The following CAMK4 variants were observed in gnomAD, a reference collection of about 807,000 sequenced individuals.
CAMK4 encodes calcium/calmodulin-dependent protein kinase type IV.
Under a neutral mutation model 44.9 loss-of-function variants are expected in CAMK4, and 22 were observed. That is an observed-to-expected ratio of 0.49 (90% CI 0.35 to 0.70). The LOEUF is 0.70. Among genes scored for constraint, CAMK4 ranks in the 30% least tolerant of loss-of-function variants. The pLI is 0.01. For synonymous variants in CAMK4, 218 were observed against 215.4 expected (o/e 1.01, Z -0.11); for missense variants, 498 against 586.8 (o/e 0.85, Z 1.56).
chr5:111,404,250 C>T (rs1263671176), intron 5 of CAMK4, among the ~76,000 whole-genome samples: 1 of 152,188 alleles, frequency 6.6e-6, no homozygotes, highest in African/African-American at 2.4e-5. Flanking sequence ...GGAGACTTAA[C>T]AACTAAATGT....
chr5:111,352,987 C>T (rs1338595729), intron 2 of CAMK4, among the ~76,000 whole-genome samples: 1 of 152,072 alleles, frequency 6.6e-6, no homozygotes, highest in Non-Finnish European at 1.5e-5. Flanking sequence ...AAAATTGACA[C>T]AGACTTTATG....
At chr5:111,270,545 G>A (rs1750466038) in intron 1 of CAMK4, among the ~76,000 whole-genome samples, 1 of 152,198 alleles carries the variant, frequency 6.6e-6, no homozygotes, top group Non-Finnish European at 1.5e-5. Context: ...TTTCTGACAT[G>A]ATTACTGTCA....
chr5:111,264,806 C>T (rs1203845468), intron 1 of CAMK4, among the ~76,000 whole-genome samples: 1 of 152,052 alleles, frequency 6.6e-6, no homozygotes, highest in Non-Finnish European at 1.5e-5. Context: ...AGTCTTGGCC[C>T]TTTGGACATG....
At chr5:111,282,181 T>C (rs1339633774) in intron 1 of CAMK4, among the ~76,000 whole-genome samples, 1 of 152,254 alleles carries the variant, frequency 6.6e-6, no homozygotes, top group Non-Finnish European at 1.5e-5. Flanking sequence ...TGGGGCTGTT[T>C]GGCTAATACT....
chr5:111,333,919 A>G (rs746005815), intron 1 of CAMK4, among the ~76,000 whole-genome samples: 1 of 151,530 alleles, frequency 6.6e-6, no homozygotes, highest in Non-Finnish European at 1.5e-5. Context: ...GAAACAACAA[A>G]TGAGGACTCT....
At chr5:111,311,434 C>T (rs1238687912) in intron 1 of CAMK4, among the ~76,000 whole-genome samples, 1 of 152,128 alleles carries the variant, frequency 6.6e-6, no homozygotes, top group African/African-American at 2.4e-5. Context: ...ATGAAAAACT[C>T]TAAATAGATG....
chr5:111,436,345 G>T (rs1156421054), intron 5 of CAMK4, among the ~76,000 whole-genome samples: 1 of 152,122 alleles, frequency 6.6e-6, no homozygotes, highest in African/African-American at 2.4e-5. Context: ...AGTATGTAGA[G>T]GAGACTCATG....
At chr5:111,357,090 T>C (rs1371608733) in intron 2 of CAMK4, among the ~76,000 whole-genome samples, 1 of 152,034 alleles carries the variant, frequency 6.6e-6, no homozygotes, top group Non-Finnish European at 1.5e-5. Context: ...TTTATAAGCA[T>C]TGGGCAATTG....
At chr5:111,351,122 G>A (rs1006589089) in intron 2 of CAMK4, among the ~76,000 whole-genome samples, 5 of 152,026 alleles carry the variant, frequency 3.3e-5, no homozygotes, top group African/African-American at 1.2e-4. Context: ...CATATATTAG[G>A]CATTCTTCAA....
chr5:111,335,255 A>T (rs531751463), intron 1 of CAMK4, among the ~76,000 whole-genome samples: 1 of 151,602 alleles, frequency 6.6e-6, no homozygotes, highest in South Asian at 2.1e-4. Flanking sequence ...AACCTCCCTT[A>T]ATAGGAGAAT....
intron 1 of CAMK4, among the ~76,000 whole-genome samples, chr5:111,264,881 A>T (rs943626713): frequency 1.3e-5 from 2 of 152,064 alleles, no homozygotes; most frequent in Non-Finnish European, 2.9e-5. Context: ...CAATCTGCTG[A>T]TTGACATGGT....
chr5:111,439,857 T>G (rs1453505138), intron 5 of CAMK4, among the ~76,000 whole-genome samples: 1 of 152,206 alleles, frequency 6.6e-6, no homozygotes, highest in African/African-American at 2.4e-5. Flanking sequence ...CCAGGAACAC[T>G]GGCCTATGAG....
chr5:111,291,220 C>G (rs888281369), intron 1 of CAMK4, among the ~76,000 whole-genome samples: 1 of 152,080 alleles, frequency 6.6e-6, no homozygotes, highest in Non-Finnish European at 1.5e-5. Flanking sequence ...GTGACATTAT[C>G]TTCTCCTTTA....
At chr5:111,392,276 T>G (rs1390370388) in intron 4 of CAMK4, among the ~76,000 whole-genome samples, 2 of 152,076 alleles carry the variant, frequency 1.3e-5, no homozygotes, top group Non-Finnish European at 2.9e-5. Flanking sequence ...GCAAGTCACA[T>G]CTTCCCATGG....
At chr5:111,401,976 T>TA (rs1270819849) in intron 5 of CAMK4, among the ~76,000 whole-genome samples, 2 of 152,224 alleles carry the variant, frequency 1.3e-5, no homozygotes, top group African/African-American at 4.8e-5. Flanking sequence ...GTGTTGCTGA[T>TA]AAGAGGCACT....
At chr5:111,417,143 C>A (rs929715795) in intron 5 of CAMK4, among the ~76,000 whole-genome samples, 1 of 152,130 alleles carries the variant, frequency 6.6e-6, no homozygotes, top group Non-Finnish European at 1.5e-5. Flanking sequence ...CTTACTGCAG[C>A]CTCAATCTTC....
At chr5:111,270,752 C>T (rs530877863) in intron 1 of CAMK4, among the ~76,000 whole-genome samples, 1 of 152,336 alleles carries the variant, frequency 6.6e-6, no homozygotes, top group Admixed American at 6.5e-5. Flanking sequence ...AGTTCAATAT[C>T]TTTACCATGT....
chr5:111,339,111 T>G (rs1465057911), intron 1 of CAMK4, among the ~76,000 whole-genome samples: 1 of 151,378 alleles, frequency 6.6e-6, no homozygotes, highest in Non-Finnish European at 1.5e-5. Flanking sequence ...GAGTTCCTTA[T>G]ATATTTTGCA....
intron 1 of CAMK4, among the ~76,000 whole-genome samples, chr5:111,239,924 ACC>A (rs1273772585): frequency 6.6e-6 from 1 of 152,130 alleles, no homozygotes; most frequent in African/African-American, 2.4e-5. Flanking sequence ...CTTCCCCTTT[ACC>A]CAGGGGTAGT....
Sources: allele counts gnomAD v4.1 joint callset (sites outside exome capture counted in the v4.1 genomes callset), GRCh38; gene constraint gnomAD v4.1.1; transcripts MANE v1.5; gene names NCBI Gene and HGNC (gene_info 2026-07-23, HGNC 2026-07-21).